Variants in OCA2 observed in about 807,000 individuals in gnomAD.
The protein encoded by OCA2 is P protein.
OCA2 carries 77 observed loss-of-function variants against 100.2 expected under a neutral mutation model. The observed-to-expected ratio is 0.77, with a 90% confidence interval of 0.64 to 0.93. The LOEUF (loss-of-function observed/expected upper bound fraction) is 0.93, where lower values mean the gene tolerates loss of function less well. Ranked by LOEUF, OCA2 falls within the 40% of genes least tolerant of loss-of-function variation. The pLI, the probability that OCA2 is intolerant of heterozygous loss-of-function variation, is 0.00. For synonymous variants in OCA2, 432 were observed against 439.2 expected, an observed-to-expected ratio of 0.98 and a Z score of 0.21; for missense variants, 1,062 against 1,089.1, an observed-to-expected ratio of 0.98 and a Z score of 0.35.
At chr15:28,044,671 T>G (rs1007682335) in intron 2 of OCA2, among the ~76,000 whole-genome samples, 1 of 152,240 alleles carries the variant, frequency 6.6e-6, no homozygotes, top group Non-Finnish European at 1.5e-5. Flanking sequence ...CAGTTTTTGC[T>G]TCGTGTATTT....
chr15:27,845,902 C>A (rs1222069970), intron 22 of OCA2, among the ~76,000 whole-genome samples: 1 of 152,174 alleles, frequency 6.6e-6, no homozygotes, highest in African/African-American at 2.4e-5. Context: ...TGTGAGGGAG[C>A]AACCTTTCAG....
chr15:27,968,625 T>A (rs929657891), intron 14 of OCA2, among the ~76,000 whole-genome samples: 5 of 152,218 alleles, frequency 3.3e-5, no homozygotes, highest in Admixed American at 2.0e-4. Flanking sequence ...CTAGAGGCCA[T>A]TATCAATGAA....
At chr15:27,767,032 C>T (rs973621987) in intron 23 of OCA2, among the ~76,000 whole-genome samples, 4 of 151,532 alleles carry the variant, frequency 2.6e-5, no homozygotes, top group Admixed American at 6.6e-5. Context: ...TCCCAAATAC[C>T]GGCCTCTGGA....
chr15:27,825,661 T>G (rs1043839309), intron 23 of OCA2, among the ~76,000 whole-genome samples: 1 of 152,176 alleles, frequency 6.6e-6, no homozygotes, highest in Admixed American at 6.5e-5. Flanking sequence ...TTTAGGGTGA[T>G]GTCCCCGGCC....
the OCA2 span, among the ~76,000 whole-genome samples, chr15:27,733,807 C>T: frequency 6.6e-6 from 1 of 151,870 alleles, no homozygotes; most frequent in African/African-American, 2.4e-5. Context: ...TTTAACTTCA[C>T]TCAAAGTATT....
rs1446145401 is a variant in OCA2, at chr15:28,014,940, A to G, written c.891-11T>C. 1 of 1,614,058 alleles carries G rather than the reference A, an allele frequency of 6.2e-7. No individual in the cohort carries two copies. The highest frequency in any genetic ancestry group is 8.5e-7 in the Non-Finnish European group (1 of 1,180,008). On this transcript the variant is annotated splice_polypyrimidine_tract_variant and intron_variant, in intron 8 of 23. Coordinates refer to ENST00000354638, the MANE Select transcript of OCA2 (RefSeq NM_000275.3). ...ATGGACACCGTCTCTCTGCAGAACG[A>G]AACAACGACCTTACTGTTCACAAGG...
intron 19 of OCA2, among the ~76,000 whole-genome samples, chr15:27,914,156 T>G (rs1257577172): frequency 3.3e-5 from 5 of 152,220 alleles, no homozygotes; most frequent in African/African-American, 7.2e-5. Flanking sequence ...TCGCCATAGA[T>G]GCAGAACAGG....
At chr15:27,769,645 T>TAA (rs58595995) in intron 23 of OCA2, among the ~76,000 whole-genome samples, 38 of 150,386 alleles carry the variant, frequency 2.5e-4, no homozygotes, top group African/African-American at 9.0e-4. Context: ...CCTATTGAAA[T>TAA]AAAAAAAAAG....
At chr15:27,800,320 T>C (rs577829250) in intron 23 of OCA2, among the ~76,000 whole-genome samples, 4 of 151,806 alleles carry the variant, frequency 2.6e-5, no homozygotes, top group African/African-American at 4.8e-5. Context: ...AAAAAGTAAG[T>C]AAGCAGAAAA....
chr15:27,788,298 A>G (rs1345153285), intron 23 of OCA2, among the ~76,000 whole-genome samples: 5 of 152,044 alleles, frequency 3.3e-5, no homozygotes, highest in Non-Finnish European at 7.4e-5. Flanking sequence ...TCTAGTTGCT[A>G]TATCCATTAT....
At position 27,755,432 on chromosome 15, in the gene OCA2, T is replaced by G; in HGVS notation, c.2473A>C (p.Met825Leu). Residue 825 changes from methionine to leucine, a missense_variant, in exon 24 of 24, where the codon ATG becomes CTG. Met to Leu is a conservative substitution (Grantham distance 15). Coordinates refer to ENST00000354638, the MANE Select transcript of OCA2 (RefSeq NM_000275.3). ...ACATGAGCCACAAGGAGATAACACA[T>G]CCCAACAGTGCAGGACACAACCATC... ...PMMVVSCTVG[M>L]CYLLVAHVVV... is the part of the protein sequence containing the mutation. 2.5e-6 allele frequency: 4 copies of G among 1,613,882 alleles called. No individual in the cohort carries two copies. Among genetic ancestry groups the G allele is most frequent in the Non-Finnish European group, 3.4e-6 (4 of 1,179,858 alleles).
intron 23 of OCA2, among the ~76,000 whole-genome samples, chr15:27,814,945 T>TAGATAGATAGATAGATAGATAGATAGAG (rs71132822): frequency 5.6e-5 from 6 of 107,352 alleles, no homozygotes; most frequent in East Asian, 5.0e-4. Context: ...GATAGATAGA[T>TAGATAGATAGATAGATAGATAGATAGAG]ACAGAGATAT....
At chr15:27,945,428 A>G (rs1317284504) in intron 18 of OCA2, among the ~76,000 whole-genome samples, 1 of 152,150 alleles carries the variant, frequency 6.6e-6, no homozygotes, top group East Asian at 1.9e-4. Flanking sequence ...AGCAGAAAAA[A>G]GATGCACTAA....
intron 23 of OCA2, among the ~76,000 whole-genome samples, chr15:27,774,957 C>T (rs537158154): frequency 1.2e-4 from 19 of 152,282 alleles, no homozygotes; most frequent in African/African-American, 4.3e-4. Context: ...GGCTGTGGTA[C>T]TTTGTCCTGG....
intron 23 of OCA2, among the ~76,000 whole-genome samples, chr15:27,768,436 G>A (rs1179434197): frequency 3.9e-5 from 6 of 152,120 alleles, no homozygotes; most frequent in African/African-American, 1.2e-4. Context: ...CCGACTAGCC[G>A]CCTCACCTAT....
the OCA2 span, among the ~76,000 whole-genome samples, chr15:27,733,211 A>AT: frequency 6.6e-6 from 1 of 152,190 alleles, no homozygotes; most frequent in Non-Finnish European, 1.5e-5. Flanking sequence ...AGATGTTCGG[A>AT]TTTTTTAAAG....
chr15:27,951,764 C>A lies in OCA2; in HGVS notation c.1951+20G>T. 2 of 1,515,134 alleles carry A rather than the reference C, an allele frequency of 1.3e-6. No individual in the cohort carries two copies. Among genetic ancestry groups the A allele is most frequent in the South Asian group, 2.2e-5 (2 of 88,916 alleles). The allele number at this position is 1,515,134 out of a possible 1,614,324, so 93.9% of individuals were successfully genotyped here. The stretch of plus-strand genomic sequence containing the variant: ...CCAGAATGTGACAAAGCCTATGAAC[C>A]AAAGCTAAATTAGACTCACCAAGAT... On this transcript the variant is annotated intron_variant, in intron 18 of 23. Coordinates refer to ENST00000354638, the MANE Select transcript of OCA2 (RefSeq NM_000275.3).
chr15:27,731,198 C>T, the OCA2 span, among the ~76,000 whole-genome samples: 1 of 152,126 alleles, frequency 6.6e-6, no homozygotes, highest in Non-Finnish European at 1.5e-5. Flanking sequence ...ATAACATTCT[C>T]TTAAAATTCA....
chr15:27,948,685 C>T (rs1299165287), intron 18 of OCA2, among the ~76,000 whole-genome samples: 1 of 152,214 alleles, frequency 6.6e-6, no homozygotes, highest in Admixed American at 6.5e-5. Context: ...AGGCCGGTCT[C>T]GAACTCCTGG....
Sources: gnomAD v4.1 joint callset for allele counts (sites outside exome capture counted in the v4.1 genomes callset) on GRCh38, gnomAD v4.1.1 for gene constraint, MANE v1.5 for transcripts, NCBI Gene and HGNC (gene_info 2026-07-23, HGNC 2026-07-21) for gene names.